ZNF423: variants seen among roughly 807,000 people sequenced by gnomAD.
ZNF423 encodes zinc finger protein 423.
A neutral mutation model predicts 95.8 loss-of-function variants in ZNF423; 12 were observed. The observed-to-expected ratio is 0.13, with a 90% confidence interval of 0.08 to 0.20. The LOEUF is 0.20. ZNF423 is among the 10% of genes least tolerant of loss of function. ZNF423 has a pLI of 1.00. For missense variants in ZNF423, 1,316 were observed against 1,737.1 expected (o/e 0.76, Z 4.31); for synonymous variants, 749 against 711.9 (o/e 1.05, Z -0.83).
intron 1 of ZNF423, among the ~76,000 whole-genome samples, chr16:49,803,287 G>C (rs543035733): frequency 1.3e-5 from 2 of 151,910 alleles, no homozygotes; most frequent in African/African-American, 4.8e-5. Flanking sequence ...AATAAACGGA[G>C]ACCAACACTA....
intron 5 of ZNF423, among the ~76,000 whole-genome samples, chr16:49,537,128 G>A (rs1488410135): frequency 6.6e-6 from 1 of 152,222 alleles, no homozygotes; most frequent in Non-Finnish European, 1.5e-5. Flanking sequence ...AATTATGTGG[G>A]CACTTTGCCC....
chr16:49,638,050 T>C lies in ZNF423; in HGVS notation c.1126A>G (p.Ser376Gly). The change falls in exon 4 of 8, where the codon AGC (serine) becomes GGC (glycine). Residue 376 changes from serine (S) to glycine (G), a missense_variant. Transcript: ENST00000563137. This position sits in a 1 kb window ranked among gnomAD's most constrained non-coding sequence, Gnocchi z 5.6. ...GCGCTGGAGTCGGGTGTGGCGCTGC[T>C]CATGGAGGCCACGCTGCCCAGTACA... ...DPVLGSVASM[S>G]SATPDSSASV... 1 of 1,613,982 alleles carries C rather than the reference T, an allele frequency of 6.2e-7. No homozygotes were observed. The highest frequency in any genetic ancestry group is 8.5e-7 in the Non-Finnish European group (1 of 1,180,010).
chr16:49,583,514 G>A (rs1189873698), intron 5 of ZNF423, among the ~76,000 whole-genome samples: 2 of 152,158 alleles, frequency 1.3e-5, no homozygotes, highest in African/African-American at 2.4e-5. Flanking sequence ...TTATTCTAAT[G>A]ACATAATTTT....
intron 3 of ZNF423, among the ~76,000 whole-genome samples, chr16:49,677,277 A>AGAAGAGAAGAGAAGGGAAGG (rs2031116516): frequency 2.6e-5 from 2 of 77,646 alleles, no homozygotes; most frequent in Non-Finnish European, 5.2e-5. Flanking sequence ...AGAAGAGAAG[A>AGAAGAGAAGAGAAGGGAAGG]GAAGAGAAGA....
chr16:49,776,295 C>T (rs2143741068), intron 2 of ZNF423, among the ~76,000 whole-genome samples: 1 of 152,322 alleles, frequency 6.6e-6, no homozygotes, highest in South Asian at 2.1e-4. Context: ...GCTACTCTGG[C>T]CTGCGAGGGC....
intron 2 of ZNF423, among the ~76,000 whole-genome samples, chr16:49,786,785 C>T (rs1276319748): frequency 1.3e-5 from 2 of 152,248 alleles, no homozygotes; most frequent in African/African-American, 4.8e-5. Context: ...CCTCATCTGT[C>T]AAATGAGGAT....
At chr16:49,822,259 C>T (rs1015272491) in intron 1 of ZNF423, among the ~76,000 whole-genome samples, 10 of 151,930 alleles carry the variant, frequency 6.6e-5, no homozygotes, top group Admixed American at 2.6e-4. Flanking sequence ...CTGTGACCTC[C>T]GCCTCCCAGG....
chr16:49,733,680 C>A (rs2033221355), intron 2 of ZNF423, among the ~76,000 whole-genome samples: 1 of 152,172 alleles, frequency 6.6e-6, no homozygotes, highest in African/African-American at 2.4e-5. Context: ...AAGGCGCGGA[C>A]CTCATCCTCT....
At chr16:49,651,853 C>G (rs949649763) in intron 3 of ZNF423, among the ~76,000 whole-genome samples, 20 of 152,292 alleles carry the variant, frequency 1.3e-4, no homozygotes, top group African/African-American at 4.6e-4. Context: ...CACAGTGTCA[C>G]CTCCCTGAGC....
chr16:49,682,407 C>G (rs749705778), intron 3 of ZNF423, among the ~76,000 whole-genome samples: 1 of 152,196 alleles, frequency 6.6e-6, no homozygotes, highest in East Asian at 1.9e-4. Context: ...GCAGAAGGCC[C>G]GGCCCCAAGG....
chr16:49,824,433 G>A (rs1361392431), intron 1 of ZNF423, among the ~76,000 whole-genome samples: 1 of 152,142 alleles, frequency 6.6e-6, no homozygotes, highest in African/African-American at 2.4e-5. Context: ...CACCCTGCTT[G>A]CAACTTCCAA....
intron 5 of ZNF423, among the ~76,000 whole-genome samples, chr16:49,538,734 G>C (rs536317646): frequency 6.6e-6 from 1 of 152,192 alleles, no homozygotes; most frequent in Non-Finnish European, 1.5e-5. Context: ...TACGGATTCT[G>C]TACCCTTATT....
At chr16:49,554,012 G>A (rs916426985) in intron 5 of ZNF423, among the ~76,000 whole-genome samples, 1 of 152,116 alleles carries the variant, frequency 6.6e-6, no homozygotes, top group African/African-American at 2.4e-5. Context: ...ACTCCCAACT[G>A]CCCCTCCAGT....
intron 5 of ZNF423, among the ~76,000 whole-genome samples, chr16:49,564,014 C>G (rs1970102003): frequency 6.6e-6 from 1 of 152,224 alleles, no homozygotes; most frequent in Non-Finnish European, 1.5e-5. Context: ...TACCAGCAGG[C>G]TCTTTGCCTA....
chr16:49,769,832 C>T (rs112448064), intron 2 of ZNF423, among the ~76,000 whole-genome samples: 1,782 of 151,674 alleles, frequency 0.012, 16 homozygotes, highest in Middle Eastern at 0.017. Flanking sequence ...CACTTGCTCT[C>T]CTCCAGGCAC....
chr16:49,615,550 C>G (rs549863170), intron 5 of ZNF423, among the ~76,000 whole-genome samples: 8 of 152,276 alleles, frequency 5.3e-5, no homozygotes, highest in African/African-American at 1.4e-4. Flanking sequence ...GCAGGCTAGG[C>G]AGTCCCATGG....
intron 2 of ZNF423, among the ~76,000 whole-genome samples, chr16:49,749,143 C>A (rs970331949): frequency 6.6e-6 from 1 of 152,204 alleles, no homozygotes; most frequent in Non-Finnish European, 1.5e-5. Context: ...TCTAGCAGCA[C>A]CAAGTCTCAC....
intron 5 of ZNF423, among the ~76,000 whole-genome samples, chr16:49,601,870 G>A (rs1337511325): frequency 6.6e-6 from 1 of 152,188 alleles, no homozygotes; most frequent in African/African-American, 2.4e-5. Context: ...GCCTCAGGCA[G>A]GGGCTTGTTC....
rs9921418 is a variant in ZNF423 at position 49,588,673 on chromosome 16, C to T, written c.3601+37497G>A. The stretch of plus-strand genomic sequence containing the variant: ...ACTGTTTATAACATGAGATGTTTTA[C>T]GGTAGCTATGTCTGCCTCCCAAATA... On this transcript the variant is annotated intron_variant, in intron 5 of 7. Coordinates refer to ENST00000563137, the MANE Select transcript of ZNF423 (RefSeq NM_001379286.1). 9.4e-3 allele frequency among the ~76,000 whole-genome samples: 1,437 copies of T among 152,324 alleles called. 26 individuals are homozygous for T. Among genetic ancestry groups the T allele is most frequent in the African/African-American group, 0.033 (1,366 of 41,566 alleles).
Sources: allele counts gnomAD v4.1 joint callset (sites outside exome capture counted in the v4.1 genomes callset), GRCh38; gene constraint gnomAD v4.1.1; non-coding constraint Gnocchi (gnomAD v3.1); transcripts MANE v1.5; gene names NCBI Gene and HGNC (gene_info 2026-07-23, HGNC 2026-07-21).